The following CYP2C8 variants were observed in gnomAD, a reference collection of about 807,000 sequenced individuals.
CYP2C8 encodes cytochrome P450 2C8.
A neutral mutation model predicts 41.3 loss-of-function variants in CYP2C8; 51 were observed. That is an observed-to-expected ratio of 1.24 (90% confidence interval 0.99 to 1.56). CYP2C8 has a LOEUF of 1.56. CYP2C8 is among the 40% of genes most tolerant of loss of function. CYP2C8 has a pLI of 0.00. For synonymous variants in CYP2C8, 218 were observed against 205.8 expected (o/e 1.06, Z -0.51); for missense variants, 651 against 579.9 (o/e 1.12, Z -1.26).
chr10:95,053,908 T>A (rs2033261462), intron 5 of CYP2C8, among the ~76,000 whole-genome samples: 2 of 152,144 alleles, frequency 1.3e-5, no homozygotes. Context: ...ATTCTGCACA[T>A]GTATCCCAGA....
rs2033031524 is a variant in CYP2C8 at position 95,042,918 on chromosome 10, G to T, written c.1121C>A (p.Thr374Asn). 2 of 1,614,040 alleles carry T rather than the reference G, an allele frequency of 1.2e-6. No homozygotes were observed. The highest frequency in any genetic ancestry group is 2.2e-5 in the South Asian group (2 of 91,074). The change falls in exon 7 of 9, where the codon ACT becomes AAT. Residue 374 changes from threonine to asparagine, a missense_variant. Coordinates refer to ENST00000371270, the MANE Select transcript of CYP2C8 (RefSeq NM_000770.3). ...GGGGATGAGGTAGTTTCTGAACTTA[G>T]TATCAGTGGTCACTGCATGGGGCAC... ...TGVPHAVTTD[T>N]KFRNYLIPKG...
At chr10:95,058,217 A>G in intron 5 of CYP2C8, 118 bp downstream of exon 5, 1 of 1,441,038 alleles carries the variant, frequency 6.9e-7, no homozygotes, top group South Asian at 1.2e-5. Context: ...AGTAATTAAG[A>G]TGCTTGTCAA....
intron 6 of CYP2C8, among the ~76,000 whole-genome samples, chr10:95,043,279 T>G (rs1420270895): frequency 1.2e-4 from 18 of 152,168 alleles, no homozygotes; most frequent in Admixed American, 1.2e-3. Context: ...GTCATTACAG[T>G]GCATAAGTAC....
chr10:95,053,013 G>A (rs766925790), intron 5 of CYP2C8, among the ~76,000 whole-genome samples: 47 of 146,340 alleles, frequency 3.2e-4, no homozygotes, highest in Middle Eastern at 7.1e-3. Flanking sequence ...CTCATTTGCA[G>A]AGAATATAAT....
chr10:95,043,432 G>A (rs1320735442), intron 6 of CYP2C8, among the ~76,000 whole-genome samples: 3 of 152,120 alleles, frequency 2.0e-5, no homozygotes, highest in Non-Finnish European at 2.9e-5. Flanking sequence ...AATATATGGG[G>A]TATAATGTTA....
chr10:95,042,807 T>G, intron 7 of CYP2C8, 83 bp downstream of exon 7: 1 of 1,145,710 alleles, frequency 8.7e-7, no homozygotes, highest in Non-Finnish European at 1.3e-6. Context: ...TCTCTCATCT[T>G]GTGTTGTTAG....
intron 3 of CYP2C8, among the ~76,000 whole-genome samples, chr10:95,066,215 G>GTT (rs541771653): frequency 1.4e-4 from 18 of 126,832 alleles, no homozygotes; most frequent in Admixed American, 1.6e-4. Flanking sequence ...TGATATCCAG[G>GTT]TTTTTTTTTT....
Position 95,064,948 on chromosome 10 carries a change from T to C in CYP2C8, c.494A>G (p.Asp165Gly). 1 of 1,563,822 alleles carries C rather than the reference T, an allele frequency of 6.4e-7. No homozygotes were observed. Among genetic ancestry groups the C allele is most frequent in the Non-Finnish European group, 8.7e-7 (1 of 1,154,578 alleles). Residue 165 changes from aspartate to glycine, a missense_variant, in exon 4 of 9, where the codon GAT (aspartate) becomes GGT (glycine). By Grantham distance (94) the Asp-to-Gly change is moderately conservative. Transcript: ENST00000371270. ...ELRKTKASPC[D>G]PTFILGCAPC... ...AGCACAGCCCAGGATGAAAGTGGGATCACAGGGTGAAGCTAAAGATTTAAA... is the reference window on the plus strand; with the variant it reads ...AGCACAGCCCAGGATGAAAGTGGGACCACAGGGTGAAGCTAAAGATTTAAA...
Position 95,038,938 on chromosome 10 carries a change from C to A in CYP2C8, c.1250G>T (p.Gly417Val), listed in dbSNP as rs141209951. The A allele has an allele frequency of 9.1e-5, 147 of 1,613,894 alleles. No individual in the cohort carries two copies. The African/African-American group carries it at 1.4e-3, about 16-fold the overall frequency. The change falls in exon 8 of 9, where the codon GGC (glycine) becomes GTC (valine). Residue 417 changes from glycine (G) to valine (V), a missense_variant. Gly to Val is a moderately radical substitution (Grantham distance 109). Coordinates refer to ENST00000371270, the MANE Select transcript of CYP2C8 (RefSeq NM_000770.3). ...FDPGHFLDKN[G>V]NFKKSDYFMP... ...GAAGTAGTCACTTTTCTTAAAGTTG[C>A]CATTCTTATCTAGAAAGTGGCCAGG...
chr10:95,049,788 G>A (rs566926501), intron 5 of CYP2C8, among the ~76,000 whole-genome samples: 1 of 152,154 alleles, frequency 6.6e-6, no homozygotes, highest in South Asian at 2.1e-4. Flanking sequence ...GTAAGGGAGT[G>A]CTGACATCCC....
chr10:95,036,775 A>G lies in CYP2C8; in HGVS notation c.*353T>C, dbSNP rs2134403058. 3.1e-6 allele frequency: 1 copy of G among 318,596 alleles called. No individual in the cohort carries two copies. Among genetic ancestry groups the G allele is most frequent in the Middle Eastern group, 1.1e-3 (1 of 918 alleles). 19.7% of individuals were successfully genotyped at this position (318,596 alleles called of 1,614,324 possible). On this transcript the variant is annotated 3_prime_UTR_variant, in exon 9 of 9. Coordinates refer to ENST00000371270, the MANE Select transcript of CYP2C8 (RefSeq NM_000770.3). ...AAAAGAGGGAAAGTCTGAGAACTGA[A>G]CCAGCAATTAATAACACTTTTTATT...
At chr10:95,062,154 G>T (rs920669135) in intron 4 of CYP2C8, among the ~76,000 whole-genome samples, 2 of 152,098 alleles carry the variant, frequency 1.3e-5, no homozygotes, top group African/African-American at 4.8e-5. Flanking sequence ...TGTCTATTAG[G>T]TCCGCTTGGT....
chr10:95,067,268 T>C lies in CYP2C8; in HGVS notation c.421A>G (p.Ile141Val), dbSNP rs751691701. 3 of 1,614,198 alleles carry C rather than the reference T, an allele frequency of 1.9e-6. No homozygotes were observed. The highest frequency in any genetic ancestry group is 2.5e-6 in the Non-Finnish European group (3 of 1,180,030). The change falls in exon 3 of 9, where the codon ATT (isoleucine) becomes GTT (valine). Residue 141 changes from isoleucine (I) to valine (V), a missense_variant. Physicochemically the swap from Ile to Val is conservative, Grantham distance 29. Coordinates refer to ENST00000371270, the MANE Select transcript of CYP2C8 (RefSeq NM_000770.3). ...GCTTCCTCTTGAACACGGTCCTCAA[T>C]GCTCCTCTTCCCCATCCCAAAATTC... ...LRNFGMGKRS[I>V]EDRVQEEAHC...
At chr10:95,040,709 G>C (rs1269840884) in intron 7 of CYP2C8, among the ~76,000 whole-genome samples, 1 of 152,194 alleles carries the variant, frequency 6.6e-6, no homozygotes, top group Non-Finnish European at 1.5e-5. Flanking sequence ...AGGACAGGAG[G>C]TGTTGTCATT....
chr10:95,042,834 C>A (rs1273150760), intron 7 of CYP2C8, 56 bp downstream of exon 7: 16 of 1,478,582 alleles, frequency 1.1e-5, no homozygotes, highest in Non-Finnish European at 1.5e-5. Context: ...GGAACCAAAC[C>A]AGCACTATGG....
Position 95,037,269 on chromosome 10 carries a change from C to A in CYP2C8, c.1332G>T (p.Glu444Asp). 6.2e-7 allele frequency: 1 copy of A among 1,613,730 alleles called. No homozygotes were observed. The highest frequency in any genetic ancestry group is 8.5e-7 in the Non-Finnish European group (1 of 1,179,812). The change falls in exon 9 of 9, where the codon GAG becomes GAT. Residue 444 changes from glutamate (E) to aspartate (D), a missense_variant. By Grantham distance (45) the Glu-to-Asp change is conservative. Transcript: ENST00000371270. ...ICAGEGLARM[E>D]LFLFLTTILQ... Reference sequence around the variant, plus strand: ...AAATTGTGGTTAGAAATAAAAATAGCTCCATGCGGGCAAGTCCTTCTCCTG... The same window carrying A: ...AAATTGTGGTTAGAAATAAAAATAGATCCATGCGGGCAAGTCCTTCTCCTG...
intron 5 of CYP2C8, among the ~76,000 whole-genome samples, chr10:95,046,435 G>T (rs1214329742): frequency 1.3e-5 from 2 of 152,078 alleles, no homozygotes; most frequent in Non-Finnish European, 2.9e-5. Context: ...AGCAATTGGG[G>T]GGGGCACACT....
Position 95,043,055 on chromosome 10 carries a change from A to G in CYP2C8, c.984T>C (p.Asp328=). The change falls in exon 7 of 9, where the codon GAT becomes GAC. Residue 328 remains aspartate, a synonymous_variant. Coordinates refer to ENST00000371270, the MANE Select transcript of CYP2C8 (RefSeq NM_000770.3). ...GGCTCCTGTGTCTGCCAATTACATG[A>G]TCAATCTCTTCCTGGACTTTAGCTG... is the stretch of plus-strand genomic sequence containing the variant. ...EVTAKVQEEI[D]HVIGRHRSPC... 1.2e-6 allele frequency: 2 copies of G among 1,614,206 alleles called. No individual in the cohort carries two copies. Among genetic ancestry groups the G allele is most frequent in the Non-Finnish European group, 8.5e-7 (1 of 1,180,024 alleles).
intron 5 of CYP2C8, among the ~76,000 whole-genome samples, chr10:95,054,349 C>A (rs1281300883): frequency 6.6e-6 from 1 of 151,826 alleles, no homozygotes; most frequent in Non-Finnish European, 1.5e-5. Context: ...AAGCATAAGA[C>A]AAAATTCAAT....
Sources: allele counts gnomAD v4.1 joint callset (sites outside exome capture counted in the v4.1 genomes callset), GRCh38; gene constraint gnomAD v4.1.1; transcripts MANE v1.5; gene names NCBI Gene and HGNC (gene_info 2026-07-23, HGNC 2026-07-21).